The following CDC25C variants were observed in gnomAD, a reference collection of about 807,000 sequenced individuals.
CDC25C encodes cell division cycle 25C, also known as M-phase inducer phosphatase 3.
A neutral mutation model predicts 52.5 loss-of-function variants in CDC25C; 48 were observed. The ratio of observed to expected loss-of-function variants is 0.91; its 90% CI spans 0.72 to 1.16. The LOEUF (loss-of-function observed/expected upper bound fraction) is 1.16. Ranked by LOEUF, CDC25C falls within the 50% of genes most tolerant of loss-of-function variation. The pLI, the probability that CDC25C is intolerant of heterozygous loss-of-function variation, is 0.00. For missense variants in CDC25C, 510 were observed against 566.1 expected, an observed-to-expected ratio of 0.90 and a Z score of 1.01; for synonymous variants, 187 against 206.5, an observed-to-expected ratio of 0.91 and a Z score of 0.81.
chr5:138,326,005 A>C lies in CDC25C; in HGVS notation c.369+16T>G. 6.2e-7 allele frequency: 1 copy of C among 1,614,122 alleles called. No homozygotes were observed. On this transcript the variant is annotated intron_variant, in intron 5 of 13. Transcript: ENST00000323760. ...TGAAAAGCAAAACAAAACCCAAAAA[A>C]AGAGAGGCTACTCACTGGGCTACAT...
chr5:138,337,963 C>T, exon 1 of CDC25C: 1 of 1,289,420 alleles, frequency 7.8e-7, no homozygotes, highest in Non-Finnish European at 1.0e-6. Context: ...TACCTTCTTC[C>T]GACATGGCCT....
At chr5:138,285,905 T>C (rs1044036623) in intron 13 of CDC25C, 64 bp from the exon 14 acceptor site, 5 of 1,578,986 alleles carry the variant, frequency 3.2e-6, no homozygotes, top group Non-Finnish European at 4.3e-6. Context: ...TGAAGGATAA[T>C]AGAGATGCTG....
intron 7 of CDC25C, among the ~76,000 whole-genome samples, chr5:138,295,706 G>C (rs1188668318): frequency 6.6e-6 from 1 of 151,864 alleles, no homozygotes; most frequent in Non-Finnish European, 1.5e-5. Context: ...AAGGATATAA[G>C]TGCTAGGCCA....
Position 138,338,179 on chromosome 5 carries a change from A to G in CDC25C, c.-211T>C, listed in dbSNP as rs761134580. 2.6e-5 allele frequency: 34 copies of G among 1,289,126 alleles called. No individual in the cohort carries two copies. The South Asian group carries it at 3.6e-4, about 14-fold the overall frequency. 79.9% of individuals were successfully genotyped at this position (1,289,126 alleles called of 1,614,324 possible). On this transcript the variant is annotated 5_prime_UTR_variant, in exon 1 of 6. Coordinates refer to the CDC25C transcript ENST00000510119. ...ATGGGTGGCTTGGGGGGATTCTGCGAGCCGGAGCTGTCCCCCTACTCTCCT... is the reference window on the plus strand; with the variant it reads ...ATGGGTGGCTTGGGGGGATTCTGCGGGCCGGAGCTGTCCCCCTACTCTCCT...
At chr5:138,288,225 G>A (rs546405838) in intron 10 of CDC25C, among the ~76,000 whole-genome samples, 24 of 152,118 alleles carry the variant, frequency 1.6e-4, no homozygotes, top group African/African-American at 5.8e-4. Context: ...ACAGGCATGC[G>A]CTACCACACC....
intron 9 of CDC25C, among the ~76,000 whole-genome samples, chr5:138,290,289 G>A (rs557465374): frequency 1.3e-5 from 2 of 152,240 alleles, no homozygotes; most frequent in East Asian, 3.9e-4. Flanking sequence ...GGGAAAAAAA[G>A]AGTATATACT....
At chr5:138,331,948 G>A (rs1472332673), upstream of CDC25C, 8 of 964,188 alleles carry the variant, frequency 8.3e-6, no homozygotes, top group Middle Eastern at 1.6e-3. Context: ...TCACCTGGGG[G>A]CGTGTGCTTG....
At chr5:138,315,904 C>G (rs1387690444) in intron 7 of CDC25C, among the ~76,000 whole-genome samples, 2 of 152,238 alleles carry the variant, frequency 1.3e-5, no homozygotes, top group Non-Finnish European at 2.9e-5. Flanking sequence ...ATCCATGGAG[C>G]TAGCGGGAGC....
intron 6 of CDC25C, among the ~76,000 whole-genome samples, chr5:138,320,103 G>C (rs758114891): frequency 6.6e-6 from 1 of 152,114 alleles, no homozygotes; most frequent in Non-Finnish European, 1.5e-5. Context: ...TCAGGAGTTC[G>C]AGAGCAGCCT....
intron 10 of CDC25C, among the ~76,000 whole-genome samples, chr5:138,289,036 C>T (rs1399959856): frequency 1.3e-5 from 2 of 152,148 alleles, no homozygotes; most frequent in Non-Finnish European, 2.9e-5. Context: ...ACGATCTCTG[C>T]TCACTGCAAC....
At chr5:138,298,467 C>A (rs1210016637) in intron 7 of CDC25C, among the ~76,000 whole-genome samples, 1 of 152,058 alleles carries the variant, frequency 6.6e-6, no homozygotes, top group Non-Finnish European at 1.5e-5. Flanking sequence ...ATAAAATAAG[C>A]CTCGCCAGGC....
chr5:138,299,267 G>A (rs538070481), intron 7 of CDC25C, among the ~76,000 whole-genome samples: 29 of 150,516 alleles, frequency 1.9e-4, no homozygotes, highest in African/African-American at 6.3e-4. Flanking sequence ...AGGCTGAGGC[G>A]GGAGGACCAC....
chr5:138,338,109 C>CCGAG (rs1369049466), exon 1 of CDC25C: 11 of 1,289,670 alleles, frequency 8.5e-6, no homozygotes, highest in Non-Finnish European at 1.1e-5. Context: ...ACAGCGCTGT[C>CCGAG]CGAGAGACAC....
At chr5:138,329,972 C>T (rs1188521159) in intron 2 of CDC25C, among the ~76,000 whole-genome samples, 6 of 152,134 alleles carry the variant, frequency 3.9e-5, no homozygotes, top group Admixed American at 1.3e-4. Context: ...CTCAGGTGAT[C>T]CACCCACCTC....
rs927372354 is a variant in CDC25C at position 138,325,048 on chromosome 5, C to A, written c.459+767G>T. On this transcript the variant is annotated intron_variant, in intron 6 of 13. Transcript: ENST00000323760. ...TTGCACCACTGCACTCCAGCCTGGG[C>A]GATGGAGCGAGACTCAGTTTCAAAA... Among the ~76,000 whole-genome samples the A allele has an allele frequency of 1.7e-4, 26 of 151,864 alleles. 2 individuals carry two copies. Among genetic ancestry groups the A allele is most frequent in the Admixed American group, 1.7e-3 (26 of 15,216 alleles).
At chr5:138,300,334 C>T (rs1361528311) in intron 7 of CDC25C, among the ~76,000 whole-genome samples, 2 of 152,060 alleles carry the variant, frequency 1.3e-5, no homozygotes, top group Admixed American at 6.6e-5. Flanking sequence ...GAGGCTAAGA[C>T]GGGTGGGTTG....
rs1234866258 is a variant in CDC25C at position 138,331,130 on chromosome 5, T to C, written c.51A>G (p.Ser17=). The C allele has an allele frequency of 6.2e-7, 1 of 1,613,966 alleles. No individual in the cohort carries two copies. Among genetic ancestry groups the C allele is most frequent in the Non-Finnish European group, 8.5e-7 (1 of 1,179,786 alleles). ...TTTGATTAGACCTAAAACTGGGTCC[T>C]GAGCCAGAGCTTCCTTCCTCTCTTG... ...SSTREEGSSG[S]GPSFRSNQRK... Residue 17 remains serine, a synonymous_variant, in exon 2 of 14, where the codon TCA becomes TCG. Transcript: ENST00000323760.
At chr5:138,332,692 C>T (rs1033231562), upstream of CDC25C, among the ~76,000 whole-genome samples, 1 of 151,898 alleles carries the variant, frequency 6.6e-6, no homozygotes, top group Admixed American at 6.6e-5. Context: ...ATGATGAAAC[C>T]CCGTCTCTAC....
chr5:138,319,325 A>C lies in CDC25C; in HGVS notation c.509T>G (p.Ile170Ser). Reference protein sequence around the residue: ...DSEMKYLGSPITTVPKLDKNP... With the variant: ...DSEMKYLGSPSTTVPKLDKNP... ...TTTATCCAATTTTGGAACAGTAGTAATGGGACTGCCCAAATATTTCATTTC... is the reference window on the plus strand; with the variant it reads ...TTTATCCAATTTTGGAACAGTAGTACTGGGACTGCCCAAATATTTCATTTC... The change falls in exon 7 of 14, where the codon ATT becomes AGT. Residue 170 changes from isoleucine (I) to serine (S), a missense_variant. Physicochemically the swap from Ile to Ser is moderately radical, Grantham distance 142. Transcript: ENST00000323760. The C allele has an allele frequency of 6.2e-7, 1 of 1,613,586 alleles. No individual in the cohort carries two copies. Among genetic ancestry groups the C allele is most frequent in the Non-Finnish European group, 8.5e-7 (1 of 1,179,578 alleles).
Sources: gnomAD v4.1 joint callset for allele counts (sites outside exome capture counted in the v4.1 genomes callset) on GRCh38, gnomAD v4.1.1 for gene constraint, MANE v1.5 for transcripts, NCBI Gene and HGNC (gene_info 2026-07-23, HGNC 2026-07-21) for gene names.